DMD: variants seen among roughly 807,000 people sequenced by gnomAD.
The protein encoded by DMD is mutant dystrophin.
DMD carries 63 observed loss-of-function variants against 330.1 expected under a neutral mutation model. The observed-to-expected ratio is 0.19, with a 90% CI of 0.16 to 0.24. DMD has a LOEUF of 0.24. Ranked by LOEUF, DMD falls within the 10% of genes least tolerant of loss-of-function variation. The probability of loss-of-function intolerance (pLI) is 1.00; values close to 1 mark genes in which losing one functional copy is unlikely to be tolerated. For missense variants in DMD, 3,344 were observed against 2,684.1 expected, an observed-to-expected ratio of 1.25 and a Z score of -5.43; for synonymous variants, 1,223 against 959.8, an observed-to-expected ratio of 1.27 and a Z score of -5.07.
chrX:32,667,369 CA>C (rs1290404485), intron 9 of DMD, among the ~76,000 whole-genome samples: 7 of 111,054 alleles, frequency 6.3e-5, no homozygotes, highest in African/African-American at 1.6e-4. Flanking sequence ...TTATATTGAA[CA>C]AAAAAAAGTT....
rs1271437580 is a variant in DMD, at chrX:31,435,043, G to C, written c.9084+9438C>G. ...TTCTGACAGATTCCCCAGGCAGACT[G>C]TCTGGGTTCAAATCCTGGCTCTCTC... is the stretch of plus-strand genomic sequence containing the variant. On this transcript the variant is annotated intron_variant, in intron 60 of 78. Coordinates refer to ENST00000357033, the MANE Select transcript of DMD (RefSeq NM_004006.3). Among the ~76,000 whole-genome samples, 9 of 111,548 alleles carry C rather than the reference G, an allele frequency of 8.1e-5. No individual in the cohort carries two copies. The Admixed American group carries it at 8.5e-4, about 11-fold the overall frequency.
chrX:32,093,467 T>A (rs1237785027), intron 44 of DMD, among the ~76,000 whole-genome samples: 1 of 112,380 alleles, frequency 8.9e-6, no homozygotes. Flanking sequence ...GCTATCTCTA[T>A]ACAATGCCAT....
chrX:32,199,773 A>G (rs2097024204), intron 44 of DMD, among the ~76,000 whole-genome samples: 1 of 82,105 alleles, frequency 1.2e-5, no homozygotes. Flanking sequence ...GCCACCACGC[A>G]AGGCTTTTGT....
At chrX:31,126,861 TA>T (rs2033780895) in intron 77 of DMD, among the ~76,000 whole-genome samples, 188 bp from the exon 78 acceptor site, 1 of 90,474 alleles carries the variant, frequency 1.1e-5, no homozygotes, top group African/African-American at 4.2e-5. Context: ...TCTAGTCAAA[TA>T]ACCTTTACAT....
chrX:33,123,286 T>TA (rs1171644629), intron 1 of DMD, among the ~76,000 whole-genome samples: 1 of 112,211 alleles, frequency 8.9e-6, no homozygotes, highest in East Asian at 2.8e-4. Flanking sequence ...TGTTAACACA[T>TA]AACTGTATAT....
At chrX:32,485,797 G>A (rs1029144504) in intron 20 of DMD, among the ~76,000 whole-genome samples, 1 of 87,413 alleles carries the variant, frequency 1.1e-5, no homozygotes, top group East Asian at 3.8e-4. Context: ...AGGCTGGAGT[G>A]CAATGACGCG....
At chrX:32,284,057 T>A (rs2097430483) in intron 43 of DMD, among the ~76,000 whole-genome samples, 1 of 111,739 alleles carries the variant, frequency 8.9e-6, no homozygotes, top group Admixed American at 9.5e-5. Context: ...CAGATTTACC[T>A]CATAGCTTGA....
chrX:33,294,751 GA>G (rs1221345250), intron 1 of DMD, among the ~76,000 whole-genome samples: 77 of 100,709 alleles, frequency 7.6e-4, no homozygotes, highest in African/African-American at 2.0e-3. Flanking sequence ...TTCATTAAGA[GA>G]AAAAAAAAAG....
intron 9 of DMD, among the ~76,000 whole-genome samples, chrX:32,690,365 A>T (rs2063187431): frequency 9.0e-6 from 1 of 111,726 alleles, no homozygotes; most frequent in South Asian, 3.7e-4. Flanking sequence ...TGACAAAATC[A>T]AATGGAAAGA....
At chrX:33,271,276 ATTAT>A (rs1335410563) in intron 1 of DMD, among the ~76,000 whole-genome samples, 1 of 110,908 alleles carries the variant, frequency 9.0e-6, no homozygotes, top group Non-Finnish European at 1.9e-5. Flanking sequence ...CTTATTGCCT[ATTAT>A]TTAATCTTTT....
At chrX:31,594,442 A>G (rs2077020519) in intron 55 of DMD, among the ~76,000 whole-genome samples, 1 of 111,688 alleles carries the variant, frequency 9.0e-6, no homozygotes, top group Admixed American at 9.5e-5. Context: ...ATCAGCTGAT[A>G]TAACAATTTG....
intron 44 of DMD, among the ~76,000 whole-genome samples, chrX:32,195,869 C>T (rs188476402): frequency 9.0e-6 from 1 of 111,544 alleles, no homozygotes; most frequent in African/African-American, 3.3e-5. Context: ...GTTCCAAATG[C>T]CATACTTGCT....
At chrX:32,677,338 A>ATATAATT (rs1740279202) in intron 9 of DMD, among the ~76,000 whole-genome samples, 1 of 111,297 alleles carries the variant, frequency 9.0e-6, no homozygotes, top group Non-Finnish European at 1.9e-5. Context: ...TCATTTGGAG[A>ATATAATT]TATAATTTAT....
chrX:32,152,792 C>T (rs781416094), intron 44 of DMD, among the ~76,000 whole-genome samples: 157 of 111,343 alleles, frequency 1.4e-3, no homozygotes, highest in African/African-American at 4.7e-3. Context: ...AAAAGAATGT[C>T]CTATTTCCAA....
intron 29 of DMD, among the ~76,000 whole-genome samples, chrX:32,429,467 G>T (rs1480260708): frequency 1.1e-5 from 1 of 91,084 alleles, no homozygotes; most frequent in African/African-American, 4.2e-5. Context: ...TGCCTGCCTT[G>T]GCCTCCCAAA....
At chrX:32,552,385 A>C (rs1048925387) in intron 16 of DMD, among the ~76,000 whole-genome samples, 5 of 111,865 alleles carry the variant, frequency 4.5e-5, no homozygotes, top group Non-Finnish European at 9.4e-5. Flanking sequence ...CTGCCTATTC[A>C]TTGGACCCCT....
rs2058151352 is a variant in DMD, at chrX:32,623,680, C to A, written c.1332-9227G>T. Among the ~76,000 whole-genome samples, 4 of 109,743 alleles carry A rather than the reference C, an allele frequency of 3.6e-5. No homozygotes were observed. The Admixed American group carries it at 3.9e-4, about 11-fold the overall frequency. On this transcript the variant is annotated intron_variant, in intron 11 of 78. Transcript: ENST00000357033. ...GTAGCTGAGACTACAGGTGCACCACCTTCCCTGGCAAATTTTTAACTCTTT... is the reference window on the plus strand; with the variant it reads ...GTAGCTGAGACTACAGGTGCACCACATTCCCTGGCAAATTTTTAACTCTTT...
chrX:33,228,192 G>C (rs2052324353), intron 1 of DMD, among the ~76,000 whole-genome samples: 1 of 109,974 alleles, frequency 9.1e-6, no homozygotes, highest in African/African-American at 3.3e-5. Context: ...ATCTTATGGT[G>C]AATCTTTAGA....
intron 55 of DMD, among the ~76,000 whole-genome samples, chrX:31,523,291 A>T (rs1285899653): frequency 9.0e-6 from 1 of 111,236 alleles, no homozygotes; most frequent in African/African-American, 3.3e-5. Context: ...AAATATTTAT[A>T]AACACAAAAT....
Sources: gnomAD v4.1 joint callset for allele counts (sites outside exome capture counted in the v4.1 genomes callset) on GRCh38, gnomAD v4.1.1 for gene constraint, MANE v1.5 for transcripts, NCBI Gene and HGNC (gene_info 2026-07-23, HGNC 2026-07-21) for gene names.